Variants in POLD3 observed in about 807,000 individuals in gnomAD.
The protein encoded by POLD3 is DNA polymerase delta subunit 3.
POLD3 carries 19 observed loss-of-function variants against 58.2 expected under a neutral mutation model. The observed-to-expected ratio is 0.33, with a 90% CI of 0.23 to 0.48. The LOEUF is 0.48. POLD3 is among the 20% of genes least tolerant of loss of function. The probability of loss-of-function intolerance (pLI) is 0.99; values close to 1 mark genes in which losing one functional copy is unlikely to be tolerated. For synonymous variants in POLD3, 172 were observed against 193.5 expected, an observed-to-expected ratio of 0.89 and a Z score of 0.92; for missense variants, 504 against 545.5, an observed-to-expected ratio of 0.92 and a Z score of 0.76.
At chr11:74,614,634 C>T (rs552479076) in intron 5 of POLD3, among the ~76,000 whole-genome samples, 82 of 151,734 alleles carry the variant, frequency 5.4e-4, no homozygotes, top group Admixed American at 2.0e-3. Flanking sequence ...GGCGTGAACA[C>T]GGAAGGCAGA....
chr11:74,630,596 T>A (rs2032562877), intron 9 of POLD3, among the ~76,000 whole-genome samples: 1 of 152,228 alleles, frequency 6.6e-6, no homozygotes, highest in Non-Finnish European at 1.5e-5. Flanking sequence ...TGCTGTATTT[T>A]CATTCCATTG....
chr11:74,625,082 A>G (rs2032386333), intron 7 of POLD3, among the ~76,000 whole-genome samples: 1 of 152,216 alleles, frequency 6.6e-6, no homozygotes. Context: ...GTTGGGAAAC[A>G]TCTTGTAATC....
At chr11:74,640,112 G>A (rs762407489) in intron 11 of POLD3, among the ~76,000 whole-genome samples, 7 of 152,156 alleles carry the variant, frequency 4.6e-5, no homozygotes, top group Non-Finnish European at 1.0e-4. Context: ...TAGGCCAGCA[G>A]TTTAAGACCA....
At chr11:74,599,956 ATT>A (rs11310017) in intron 2 of POLD3, among the ~76,000 whole-genome samples, 25 of 144,674 alleles carry the variant, frequency 1.7e-4, no homozygotes, top group Admixed American at 4.8e-4. Flanking sequence ...TATTATTATT[ATT>A]TTTTTTTTTT....
intron 5 of POLD3, among the ~76,000 whole-genome samples, chr11:74,616,105 C>A (rs2032072424): frequency 6.6e-6 from 1 of 151,982 alleles, no homozygotes; most frequent in Admixed American, 6.6e-5. Context: ...AATCAGTTCC[C>A]TTGTTATATC....
At chr11:74,655,806 G>T (rs2033126640) in intron 4 of POLD3, among the ~76,000 whole-genome samples, 1 of 152,194 alleles carries the variant, frequency 6.6e-6, no homozygotes, top group African/African-American at 2.4e-5. Flanking sequence ...ACAAGGCAGG[G>T]ATGTCTGGTA....
chr11:74,631,577 C>T (rs1212523344), intron 9 of POLD3, among the ~76,000 whole-genome samples: 2 of 150,712 alleles, frequency 1.3e-5, no homozygotes, highest in Non-Finnish European at 3.0e-5. Flanking sequence ...CTCCGTCTCC[C>T]GGGTTCAAGC....
chr11:74,633,294 G>A (rs1424407760), intron 9 of POLD3, among the ~76,000 whole-genome samples: 1 of 152,092 alleles, frequency 6.6e-6, no homozygotes, highest in Non-Finnish European at 1.5e-5. Flanking sequence ...CTCCCATCAT[G>A]TTCTAGCCTC....
chr11:74,647,132 A>G (rs570281263), downstream of POLD3, among the ~76,000 whole-genome samples: 120 of 152,358 alleles, frequency 7.9e-4, no homozygotes, highest in African/African-American at 2.9e-3. Flanking sequence ...GGCGGAGCTC[A>G]GGCAGTAATG....
Position 74,642,109 on chromosome 11 carries a change from T to C in POLD3, c.*1343T>C. The C allele has an allele frequency of 1.0e-6, 1 of 985,308 alleles. No homozygotes were observed. Among genetic ancestry groups the C allele is most frequent in the Non-Finnish European group, 1.2e-6 (1 of 829,912 alleles). 61.0% of individuals were successfully genotyped at this position (985,308 alleles called of 1,614,324 possible). On this transcript the variant is annotated 3_prime_UTR_variant, in exon 12 of 12. Transcript: ENST00000263681. ...ACTGGCTTCTTTTGCCTCAAGATGG[T>C]GTATGTCGTAAGTGATGCAATCAGC...
intron 4 of POLD3, among the ~76,000 whole-genome samples, chr11:74,654,467 A>G (rs2033108196): frequency 6.6e-6 from 1 of 152,274 alleles, no homozygotes; most frequent in Admixed American, 6.5e-5. Context: ...GGAATATAGA[A>G]TGATGAGCAG....
Position 74,595,122 on chromosome 11 carries a change from A to G in POLD3, c.116+1006A>G, listed in dbSNP as rs147610229. 1.8e-3 allele frequency: 274 copies of G among 151,688 alleles called. 1 individual carries two copies. Among genetic ancestry groups the G allele is most frequent in the African/African-American group, 6.5e-3 (267 of 41,386 alleles). 9.4% of individuals were successfully genotyped at this position (151,688 alleles called of 1,614,324 possible). ...TTTCAGTTTCTCCACATTCTGGTTA[A>G]CACTAACACTGTTTTTTCCCTCAGA... On this transcript the variant is annotated intron_variant, in intron 2 of 11. Transcript: ENST00000263681.
rs752093285 is a variant in POLD3 at position 74,617,454 on chromosome 11, C to G, written c.393-1083C>G. ...TATTGCTGTGTCGCCTAGGCTGGAGCGCAGTAGTGTGATCTTGGCTCACTG... is the reference window on the plus strand; with the variant it reads ...TATTGCTGTGTCGCCTAGGCTGGAGGGCAGTAGTGTGATCTTGGCTCACTG... On this transcript the variant is annotated intron_variant, in intron 5 of 11. Transcript: ENST00000263681. Among the ~76,000 whole-genome samples the G allele has an allele frequency of 2.0e-5, 3 of 152,016 alleles. No homozygotes were observed. The South Asian group carries it at 6.2e-4, about 32-fold the overall frequency.
chr11:74,634,122 T>G (rs1211319431), intron 9 of POLD3, among the ~76,000 whole-genome samples: 1 of 152,200 alleles, frequency 6.6e-6, no homozygotes, highest in Non-Finnish European at 1.5e-5. Flanking sequence ...AGCAAGGCTG[T>G]AGAATTGGAT....
intron 4 of POLD3, among the ~76,000 whole-genome samples, chr11:74,612,190 G>A (rs1399983078): frequency 6.6e-6 from 1 of 152,224 alleles, no homozygotes; most frequent in Non-Finnish European, 1.5e-5. Flanking sequence ...CATGGGGGTA[G>A]GGTGGGGGTA....
chr11:74,616,906 C>T (rs1206069194), intron 5 of POLD3, among the ~76,000 whole-genome samples: 2 of 152,088 alleles, frequency 1.3e-5, no homozygotes, highest in African/African-American at 2.4e-5. Flanking sequence ...GAAGGTGATA[C>T]ACTAAAGAAG....
chr11:74,664,998 G>A (rs552948235), intron 4 of POLD3, among the ~76,000 whole-genome samples: 1 of 152,236 alleles, frequency 6.6e-6, no homozygotes, highest in African/African-American at 2.4e-5. Context: ...TATTTGGGAG[G>A]CTGAGGCAGG....
intron 6 of POLD3, among the ~76,000 whole-genome samples, 198 bp from the exon 7 acceptor site, chr11:74,619,819 G>C (rs2032195815): frequency 6.6e-6 from 1 of 152,166 alleles, no homozygotes; most frequent in Admixed American, 6.5e-5. Context: ...CTAAGCTTTA[G>C]AGATTAACAC....
intron 11 of POLD3, 122 bp from the exon 12 acceptor site, chr11:74,640,442 C>G: frequency 8.3e-7 from 1 of 1,203,376 alleles, no homozygotes; most frequent in Non-Finnish European, 1.1e-6. Flanking sequence ...AGATTGAGTC[C>G]TAAGTAAGCA....
Sources: allele counts gnomAD v4.1 joint callset (sites outside exome capture counted in the v4.1 genomes callset), GRCh38; gene constraint gnomAD v4.1.1; transcripts MANE v1.5; gene names NCBI Gene and HGNC (gene_info 2026-07-23, HGNC 2026-07-21).